Variants in KLHDC4 observed in about 807,000 individuals in gnomAD.
The protein encoded by KLHDC4 is kelch domain-containing protein 4.
Under a neutral mutation model 62.4 loss-of-function variants are expected in KLHDC4, and 90 were observed. The ratio of observed to expected loss-of-function variants is 1.44; its 90% CI spans 1.22 to 1.72. The LOEUF (loss-of-function observed/expected upper bound fraction) is 1.72, where lower values mean the gene tolerates loss of function less well. Ranked by LOEUF, KLHDC4 falls within the 40% of genes most tolerant of loss-of-function variation. KLHDC4 has a pLI of 0.00. For synonymous variants in KLHDC4, 386 were observed against 284.4 expected, an observed-to-expected ratio of 1.36 and a Z score of -3.59; for missense variants, 1,025 against 699.7, an observed-to-expected ratio of 1.47 and a Z score of -5.25.
intron 6 of KLHDC4, 54 bp from the exon 7 acceptor site, chr16:87,726,978 C>T (rs1411475333): frequency 1.3e-6 from 2 of 1,573,230 alleles, no homozygotes; most frequent in Non-Finnish European, 1.7e-6. Flanking sequence ...AAAGCCCTGA[C>T]ATTAAAAACT....
chr16:87,765,490 G>T (rs531086303), intron 1 of KLHDC4: 2 of 500,242 alleles, frequency 4.0e-6, no homozygotes, highest in Admixed American at 5.7e-5. Context: ...GAGGGAGGGT[G>T]GAGGGAGAAG....
chr16:87,715,002 G>A (rs139533287), intron 7 of KLHDC4, among the ~76,000 whole-genome samples: 152 of 152,322 alleles, frequency 1.0e-3, no homozygotes, highest in African/African-American at 3.6e-3. Context: ...GCAGAGGGCA[G>A]GCACTGCCCA....
At chr16:87,754,868 C>T (rs1278253288) in intron 4 of KLHDC4, among the ~76,000 whole-genome samples, 1 of 152,214 alleles carries the variant, frequency 6.6e-6, no homozygotes, top group Non-Finnish European at 1.5e-5. Flanking sequence ...ACATCCAGTT[C>T]TCCTGTCTTC....
intron 4 of KLHDC4, among the ~76,000 whole-genome samples, chr16:87,752,964 G>A (rs115342275): frequency 8.9e-4 from 136 of 152,344 alleles, no homozygotes; most frequent in African/African-American, 3.2e-3. Context: ...GTGCAGGACT[G>A]TGAACCTGAG....
chr16:87,737,106 CAAAA>C (rs55787836), intron 5 of KLHDC4, among the ~76,000 whole-genome samples: 691 of 64,828 alleles, frequency 0.011, 2 homozygotes, highest in South Asian at 0.019. Flanking sequence ...GCCTGGGCGA[CAAAA>C]AAAAAAAAAA....
intron 4 of KLHDC4, among the ~76,000 whole-genome samples, chr16:87,752,179 G>A (rs2044102075): frequency 6.7e-6 from 1 of 149,724 alleles, no homozygotes; most frequent in South Asian, 2.1e-4. Flanking sequence ...AGCAGAGGCA[G>A]GAGGATCGTT....
In KLHDC4 at chr16:87,707,828, A is replaced by G; in HGVS notation, c.*249T>C. ...CCGCGGTGGTCTTGTTTCAAGTCCA[A>G]TTTATTTCACACAACACACAGGCTG... On this transcript the variant is annotated 3_prime_UTR_variant, in exon 12 of 12. Coordinates refer to ENST00000270583, the MANE Select transcript of KLHDC4 (RefSeq NM_017566.4). 2.5e-5 allele frequency: 10 copies of G among 395,890 alleles called. No individual in the cohort carries two copies. The highest frequency in any genetic ancestry group is 1.8e-4 in the South Asian group (10 of 54,494). 24.5% of individuals were successfully genotyped at this position (395,890 alleles called of 1,614,324 possible).
chr16:87,752,209 C>G (rs1268624408), intron 4 of KLHDC4, among the ~76,000 whole-genome samples: 1 of 149,350 alleles, frequency 6.7e-6, no homozygotes, highest in Admixed American at 6.7e-5. Flanking sequence ...GAGTTCAACA[C>G]TTGCCTGGGC....
intron 1 of KLHDC4, 89 bp downstream of exon 1, chr16:87,765,703 G>C: frequency 7.6e-7 from 1 of 1,310,694 alleles, no homozygotes; most frequent in Non-Finnish European, 1.0e-6. Context: ...GGCTCCCACG[G>C]CCGACCCGTA....
chr16:87,750,059 G>A (rs559823942), intron 4 of KLHDC4, among the ~76,000 whole-genome samples: 8 of 152,108 alleles, frequency 5.3e-5, no homozygotes, highest in Non-Finnish European at 1.2e-4. Context: ...AGACACCACC[G>A]GCTACTCCAC....
intron 4 of KLHDC4, among the ~76,000 whole-genome samples, chr16:87,749,464 G>C (rs142710421): frequency 0.01 from 1,484 of 146,830 alleles, 23 homozygotes; most frequent in African/African-American, 0.036. Flanking sequence ...TAAGGCAGAA[G>C]AATCGCTTGA....
chr16:87,723,474 C>T (rs116599296), intron 7 of KLHDC4, among the ~76,000 whole-genome samples: 185 of 152,392 alleles, frequency 1.2e-3, no homozygotes, highest in African/African-American at 4.4e-3. Flanking sequence ...CTGCACTCTA[C>T]GACACATCTG....
At chr16:87,724,770 T>C (rs1246002133) in intron 7 of KLHDC4, among the ~76,000 whole-genome samples, 1 of 152,112 alleles carries the variant, frequency 6.6e-6, no homozygotes, top group Non-Finnish European at 1.5e-5. Context: ...AGCTGACCAT[T>C]CCTTATTAAA....
chr16:87,745,517 C>G (rs1371769216), intron 5 of KLHDC4, among the ~76,000 whole-genome samples: 1 of 152,266 alleles, frequency 6.6e-6, no homozygotes, highest in Non-Finnish European at 1.5e-5. Flanking sequence ...CACACAAAGA[C>G]CTTCCTGTTT....
downstream of KLHDC4, among the ~76,000 whole-genome samples, chr16:87,706,790 G>C (rs140223163): frequency 5.3e-5 from 8 of 152,164 alleles, no homozygotes; most frequent in African/African-American, 1.7e-4. Flanking sequence ...CCTGAGAGGC[G>C]ACACTTCTCA....
Position 87,708,417 on chromosome 16 carries a change from C to G in KLHDC4, c.1497G>C (p.Glu499Asp), listed in dbSNP as rs769265972. Residue 499 changes from glutamate (E) to aspartate (D), a missense_variant, in exon 11 of 12, where the codon GAG becomes GAC. Transcript: ENST00000270583. Reference protein sequence around the residue: ...EETDSEEDSEEVEGAEGGVDD... With the variant: ...EETDSEEDSEDVEGAEGGVDD... ...CGACCCCACCCTCGGCGCCCTCAAC[C>G]TCCTCACTGTCCTCTTCCGAGTCCG... The G allele has an allele frequency of 1.2e-6, 2 of 1,612,298 alleles. No homozygotes were observed. Among genetic ancestry groups the G allele is most frequent in the Non-Finnish European group, 8.5e-7 (1 of 1,179,616 alleles).
intron 2 of KLHDC4, among the ~76,000 whole-genome samples, chr16:87,760,875 A>G (rs1343488465): frequency 6.6e-6 from 1 of 151,632 alleles, no homozygotes; most frequent in Non-Finnish European, 1.5e-5. Context: ...TCTACTAAAA[A>G]TACAAAAATT....
chr16:87,709,218 G>A (rs371448664), intron 10 of KLHDC4, 47 bp downstream of exon 10: 14 of 1,574,376 alleles, frequency 8.9e-6, no homozygotes, highest in East Asian at 2.2e-5. Flanking sequence ...ACACACGACC[G>A]TGGGCTCTCG....
chr16:87,759,813 T>A (rs1033305182), intron 2 of KLHDC4, among the ~76,000 whole-genome samples: 9 of 152,158 alleles, frequency 5.9e-5, no homozygotes, highest in Non-Finnish European at 1.5e-5. Context: ...CCTATTGATT[T>A]TCTGCAGAAA....
Sources: allele counts gnomAD v4.1 joint callset (sites outside exome capture counted in the v4.1 genomes callset), GRCh38; gene constraint gnomAD v4.1.1; transcripts MANE v1.5; gene names NCBI Gene and HGNC (gene_info 2026-07-23, HGNC 2026-07-21).